The following MYEOV variants were observed in gnomAD, a reference collection of about 807,000 sequenced individuals.
The protein encoded by MYEOV is myeloma overexpressed, also known as myeloma-overexpressed gene protein.
MYEOV carries 4 observed loss-of-function variants against 4.5 expected under a neutral mutation model. The ratio of observed to expected loss-of-function variants is 0.89; its 90% CI spans 0.44 to 2.03. MYEOV has a LOEUF of 2.03. Ranked by LOEUF, MYEOV falls within the 30% of genes most tolerant of loss-of-function variation. The pLI is 0.03. For synonymous variants in MYEOV, 184 were observed against 170.3 expected (o/e 1.08, Z -0.63); for missense variants, 408 against 412.8 (o/e 0.99, Z 0.10).
rs1196285690 is a variant in MYEOV at position 69,296,297 on chromosome 11, G to A, written c.847G>A (p.Gly283Arg). 6.5e-7 allele frequency: 1 copy of A among 1,550,004 alleles called. No individual in the cohort carries two copies. ...RMGVRRTGQV[G>R]PTMHPPPVSG... ...GGGAGTTAGGAGGACTGGCCAGGTGGGGCCCACTATGCACCCACCCCCAGT... is the reference window on the plus strand; with the variant it reads ...GGGAGTTAGGAGGACTGGCCAGGTGAGGCCCACTATGCACCCACCCCCAGT... The change falls in exon 3 of 3, where the codon GGG (glycine) becomes AGG (arginine). Residue 283 changes from glycine to arginine, a missense_variant. By Grantham distance (125) the Gly-to-Arg change is moderately radical (BLOSUM62 -2). Coordinates refer to ENST00000441339, the MANE Select transcript of MYEOV (RefSeq NM_001293291.2).
chr11:69,295,206 G>A lies in MYEOV; in HGVS notation c.-122-27G>A, dbSNP rs1207401165. On this transcript the variant is annotated intron_variant, in intron 1 of 2. Coordinates refer to ENST00000441339, the MANE Select transcript of MYEOV (RefSeq NM_001293291.2). The surrounding 1 kb of genome is among the most constrained non-coding windows in gnomAD (Gnocchi z 4.1). ...TCAGTGCCTTCCCGGGGTGGATTAC[G>A]GATGGTAGTATCTTCCTTCTCCTCA... 6.9e-6 allele frequency: 9 copies of A among 1,310,140 alleles called. No individual in the cohort carries two copies. Among genetic ancestry groups the A allele is most frequent in the South Asian group, 4.5e-5 (3 of 66,068 alleles). The allele number at this position is 1,310,140 out of a possible 1,614,324, so 81.2% of individuals were successfully genotyped here. A position where few individuals can be genotyped will look rare whatever the true frequency, so the allele number is the denominator to read the frequency against.
rs772326953 is a variant in MYEOV at position 69,296,455 on chromosome 11, T to C, written c.*63T>C. ...TCATTTAATCCTCAGAATGACTCCA[T>C]GAGGTAGCTACTAAAACCCCCCACT... On this transcript the variant is annotated 3_prime_UTR_variant, in exon 3 of 3. Transcript: ENST00000441339. 80 of 1,108,566 alleles carry C rather than the reference T, an allele frequency of 7.2e-5. No individual in the cohort carries two copies. The highest frequency in any genetic ancestry group is 9.4e-5 in the Non-Finnish European group (75 of 797,360). 68.7% of individuals were successfully genotyped at this position (1,108,566 alleles called of 1,614,324 possible). A position where few individuals can be genotyped will look rare whatever the true frequency, so the allele number is the denominator to read the frequency against.
In MYEOV at chr11:69,296,652, C is replaced by A; in HGVS notation, c.*260C>A. The A allele has an allele frequency of 2.5e-6, 1 of 405,714 alleles. No individual in the cohort carries two copies. The highest frequency in any genetic ancestry group is 4.4e-6 in the Non-Finnish European group (1 of 227,880). 25.1% of individuals were successfully genotyped at this position (405,714 alleles called of 1,614,324 possible). On this transcript the variant is annotated 3_prime_UTR_variant, in exon 3 of 3. Transcript: ENST00000441339. ...AGTGTCTCCCAGGTGCAGGCATGAG[C>A]CAGGTGCTGGGAAAATCATGATAAC... is the stretch of plus-strand genomic sequence containing the variant.
chr11:69,295,180 G>T lies in MYEOV; in HGVS notation c.-122-53G>T. 9.0e-7 allele frequency: 1 copy of T among 1,108,574 alleles called. No individual in the cohort carries two copies. Among genetic ancestry groups the T allele is most frequent in the Non-Finnish European group, 1.3e-6 (1 of 799,506 alleles). The allele number at this position is 1,108,574 out of a possible 1,614,324, so 68.7% of individuals were successfully genotyped here. ...TCTCATCCTCCCCATGGTCAAGGAGGTCAGTGCCTTCCCGGGGTGGATTAC... is the reference window on the plus strand; with the variant it reads ...TCTCATCCTCCCCATGGTCAAGGAGTTCAGTGCCTTCCCGGGGTGGATTAC... On this transcript the variant is annotated intron_variant, in intron 1 of 2. Coordinates refer to ENST00000441339, the MANE Select transcript of MYEOV (RefSeq NM_001293291.2). This position sits in a 1 kb window ranked among gnomAD's most constrained non-coding sequence, Gnocchi z 4.1.
Position 69,296,282 on chromosome 11 carries a change from A to G in MYEOV, c.832A>G (p.Arg278Gly), listed in dbSNP as rs1435506824. The part of the protein sequence containing the change: ...ALGGWRMGVR[R>G]TGQVGPTMHP... ...GGGGGGGTGGCGCATGGGAGTTAGGAGGACTGGCCAGGTGGGGCCCACTAT... is the reference window on the plus strand; with the variant it reads ...GGGGGGGTGGCGCATGGGAGTTAGGGGGACTGGCCAGGTGGGGCCCACTAT... Residue 278 changes from arginine to glycine, a missense_variant, in exon 3 of 3, where the codon AGG (arginine) becomes GGG (glycine). Coordinates refer to ENST00000441339, the MANE Select transcript of MYEOV (RefSeq NM_001293291.2). The G allele has an allele frequency of 3.2e-6, 5 of 1,564,696 alleles. No homozygotes were observed. The African/African-American group carries it at 4.1e-5, about 13-fold the overall frequency.
chr11:69,295,098 G>A lies in MYEOV; in HGVS notation c.-122-135G>A. On this transcript the variant is annotated intron_variant, in intron 1 of 2. Transcript: ENST00000441339. This position sits in a 1 kb window ranked among gnomAD's most constrained non-coding sequence, Gnocchi z 4.1. ...CAGGTCCCAGCTTCCAGGATCATGA[G>A]GTGAAAACGTGAAGGGACCCTAGAG... is the stretch of plus-strand genomic sequence containing the variant. 1.9e-6 allele frequency: 1 copy of A among 526,062 alleles called. No individual in the cohort carries two copies. The highest frequency in any genetic ancestry group is 3.3e-6 in the Non-Finnish European group (1 of 304,434). 32.6% of individuals were successfully genotyped at this position (526,062 alleles called of 1,614,324 possible). A position where few individuals can be genotyped will look rare whatever the true frequency, so the allele number is the denominator to read the frequency against.
Position 69,296,348 on chromosome 11 carries a change from C to G in MYEOV, c.898C>G (p.His300Asp), listed in dbSNP as rs543235120. The G allele has an allele frequency of 3.3e-6, 5 of 1,493,282 alleles. No homozygotes were observed. The East Asian group carries it at 1.2e-4, about 35-fold the overall frequency. 92.5% of individuals were successfully genotyped at this position (1,493,282 alleles called of 1,614,324 possible). A position where few individuals can be genotyped will look rare whatever the true frequency, so the allele number is the denominator to read the frequency against. The change falls in exon 3 of 3, where the codon CAC becomes GAC. Residue 300 changes from histidine (H) to aspartate (D), a missense_variant. By Grantham distance (81) the His-to-Asp change is moderately conservative (BLOSUM62 -1). Coordinates refer to ENST00000441339, the MANE Select transcript of MYEOV (RefSeq NM_001293291.2). ...GTCAGGTGCTTCTCCTCTCCTCCTC[C>G]ACCACCTCCTCCTCCTCCTCCTCAT... The part of the protein sequence containing the change: ...PVSGASPLLL[H>D]HLLLLLLIII...
rs1297124640 is a variant in MYEOV, at chr11:69,295,118, C to G, written c.-122-115C>G. 3 of 614,624 alleles carry G rather than the reference C, an allele frequency of 4.9e-6. No homozygotes were observed. The highest frequency in any genetic ancestry group is 8.1e-6 in the Non-Finnish European group (3 of 368,162). The allele number at this position is 614,624 out of a possible 1,614,324, so 38.1% of individuals were successfully genotyped here. On this transcript the variant is annotated intron_variant, in intron 1 of 2. Coordinates refer to ENST00000441339, the MANE Select transcript of MYEOV (RefSeq NM_001293291.2). The surrounding 1 kb of genome is among the most constrained non-coding windows in gnomAD (Gnocchi z 4.1). Reference sequence around the variant, plus strand: ...CATGAGGTGAAAACGTGAAGGGACCCTAGAGGCCATGGGGACCCAGGCACA... The same window carrying G: ...CATGAGGTGAAAACGTGAAGGGACCGTAGAGGCCATGGGGACCCAGGCACA...
chr11:69,295,294 T>C lies in MYEOV; in HGVS notation c.-61T>C, dbSNP rs1565150333. 34 of 1,543,216 alleles carry C rather than the reference T, an allele frequency of 2.2e-5. No homozygotes were observed. The highest frequency in any genetic ancestry group is 2.9e-5 in the Non-Finnish European group (33 of 1,142,454). ...TAAATCCAGCCACGTCATGCCACGC[T>C]TAACACCTCTAACAACTTCCCCTGG... On this transcript the variant is annotated 5_prime_UTR_variant, in exon 2 of 3. Transcript: ENST00000441339. This position sits in a 1 kb window ranked among gnomAD's most constrained non-coding sequence, Gnocchi z 4.1.
In MYEOV at chr11:69,294,517, A is replaced by G. The variant is rs1414292716; in HGVS notation, c.-182A>G. On this transcript the variant is annotated 5_prime_UTR_variant, in exon 1 of 3. Coordinates refer to ENST00000441339, the MANE Select transcript of MYEOV (RefSeq NM_001293291.2). ...ACTTCTGCTCGTTGCCTTTGGGCTC[A>G]GTGAAGAGTCTGGAGTTTATCTGGA... is the stretch of plus-strand genomic sequence containing the variant. 6.6e-6 allele frequency: 1 copy of G among 152,040 alleles called. No individual in the cohort carries two copies. Among genetic ancestry groups the G allele is most frequent in the Non-Finnish European group, 1.5e-5 (1 of 68,104 alleles). The allele number at this position is 152,040 out of a possible 1,614,324, so 9.4% of individuals were successfully genotyped here.
Position 69,296,307 on chromosome 11 carries a change from T to G in MYEOV, c.857T>G (p.Met286Arg). ...VRRTGQVGPT[M>R]HPPPVSGASP... is the part of the protein sequence containing the mutation. ...AGGACTGGCCAGGTGGGGCCCACTATGCACCCACCCCCAGTGTCAGGTGCT... is the reference window on the plus strand; with the variant it reads ...AGGACTGGCCAGGTGGGGCCCACTAGGCACCCACCCCCAGTGTCAGGTGCT... Residue 286 changes from methionine to arginine, a missense_variant, in exon 3 of 3, where the codon ATG becomes AGG. Met to Arg is a moderately conservative substitution (Grantham distance 91, BLOSUM62 -1). Coordinates refer to ENST00000441339, the MANE Select transcript of MYEOV (RefSeq NM_001293291.2). 1 of 1,534,840 alleles carries G rather than the reference T, an allele frequency of 6.5e-7. No homozygotes were observed. The highest frequency in any genetic ancestry group is 2.0e-5 in the Admixed American group (1 of 49,490).
rs1284177367 is a variant in MYEOV at position 69,296,226 on chromosome 11, C to T, written c.776C>T (p.Ser259Phe). Residue 259 changes from serine to phenylalanine, a missense_variant, in exon 3 of 3, where the codon TCC becomes TTC. By Grantham distance (155) the Ser-to-Phe change is radical. Coordinates refer to ENST00000441339, the MANE Select transcript of MYEOV (RefSeq NM_001293291.2). ...GGCCTGCCTCTGCGGGTGGCTGGGT[C>T]CTGGCTGACTGTTGTGACTGTTGAG... ...TWGLPLRVAG[S>F]WLTVVTVEAL... 1 of 1,608,666 alleles carries T rather than the reference C, an allele frequency of 6.2e-7. No homozygotes were observed. Among genetic ancestry groups the T allele is most frequent in the South Asian group, 1.1e-5 (1 of 90,352 alleles).
rs755375015 is a variant in MYEOV at position 69,296,317 on chromosome 11, C to T, written c.867C>T (p.Pro289=). The change falls in exon 3 of 3, where the codon CCC becomes CCT. Residue 289 remains proline, a synonymous_variant. Transcript: ENST00000441339. Reference sequence around the variant, plus strand: ...AGGTGGGGCCCACTATGCACCCACCCCCAGTGTCAGGTGCTTCTCCTCTCC... The same window carrying T: ...AGGTGGGGCCCACTATGCACCCACCTCCAGTGTCAGGTGCTTCTCCTCTCC... ...TGQVGPTMHP[P]PVSGASPLLL... 7 of 1,522,236 alleles carry T rather than the reference C, an allele frequency of 4.6e-6. No individual in the cohort carries two copies. The highest frequency in any genetic ancestry group is 4.2e-5 in the African/African-American group (3 of 72,120). The allele number at this position is 1,522,236 out of a possible 1,614,324, so 94.3% of individuals were successfully genotyped here. A position where few individuals can be genotyped will look rare whatever the true frequency, so the allele number is the denominator to read the frequency against.
rs984242392 is a variant in MYEOV at position 69,295,010 on chromosome 11, G to A, written c.-122-223G>A. Among the ~76,000 whole-genome samples, 1 of 152,168 alleles carries A rather than the reference G, an allele frequency of 6.6e-6. No individual in the cohort carries two copies. Among genetic ancestry groups the A allele is most frequent in the Non-Finnish European group, 1.5e-5 (1 of 68,022 alleles). ...AGTCATCTGTGGCTATAAACCAGGA[G>A]GAGAAGGCTGCCCACCCCCTGCCCC... is the stretch of plus-strand genomic sequence containing the variant. On this transcript the variant is annotated intron_variant, in intron 1 of 2. Transcript: ENST00000441339. This position sits in a 1 kb window ranked among gnomAD's most constrained non-coding sequence, Gnocchi z 4.1.
rs969476191 is a variant in MYEOV, at chr11:69,296,357, C to T, written c.907C>T (p.Leu303Phe). Residue 303 changes from leucine (L) to phenylalanine (F), a missense_variant, in exon 3 of 3, where the codon CTC (leucine) becomes TTC (phenylalanine). By Grantham distance (22) the Leu-to-Phe change is conservative. Transcript: ENST00000441339. ...TTCTCCTCTCCTCCTCCACCACCTCCTCCTCCTCCTCCTCATCATCATCCT... is the reference window on the plus strand; with the variant it reads ...TTCTCCTCTCCTCCTCCACCACCTCTTCCTCCTCCTCCTCATCATCATCCT... ...GASPLLLHHL[L>F]LLLLIIILTC The T allele has an allele frequency of 1.2e-5, 18 of 1,478,888 alleles. No individual in the cohort carries two copies. Among genetic ancestry groups the T allele is most frequent in the African/African-American group, 4.2e-5 (3 of 71,118 alleles). The allele number at this position is 1,478,888 out of a possible 1,614,324, so 91.6% of individuals were successfully genotyped here.
chr11:69,296,000 G>A lies in MYEOV; in HGVS notation c.550G>A (p.Val184Met). 6.2e-7 allele frequency: 1 copy of A among 1,614,160 alleles called. No homozygotes were observed. Among genetic ancestry groups the A allele is most frequent in the Non-Finnish European group, 8.5e-7 (1 of 1,180,010 alleles). ...GGCCATTAGCTCGTGCCCTGAGGAGGTGCATGGGCGGCATGGGCTCTCCAT... is the reference window on the plus strand; with the variant it reads ...GGCCATTAGCTCGTGCCCTGAGGAGATGCATGGGCGGCATGGGCTCTCCAT... ...EQAISSCPEE[V>M]HGRHGLSMEI... The change falls in exon 3 of 3, where the codon GTG becomes ATG. Residue 184 changes from valine to methionine, a missense_variant. Transcript: ENST00000441339. This position sits in a 1 kb window ranked among gnomAD's most constrained non-coding sequence, Gnocchi z 4.1.
In MYEOV at chr11:69,295,193, C is replaced by A; in HGVS notation, c.-122-40C>A. 1 of 1,236,598 alleles carries A rather than the reference C, an allele frequency of 8.1e-7. No individual in the cohort carries two copies. Among genetic ancestry groups the A allele is most frequent in the Non-Finnish European group, 1.1e-6 (1 of 914,428 alleles). The allele number at this position is 1,236,598 out of a possible 1,614,324, so 76.6% of individuals were successfully genotyped here. On this transcript the variant is annotated intron_variant, in intron 1 of 2. Coordinates refer to ENST00000441339, the MANE Select transcript of MYEOV (RefSeq NM_001293291.2). This position sits in a 1 kb window ranked among gnomAD's most constrained non-coding sequence, Gnocchi z 4.1. ...ATGGTCAAGGAGGTCAGTGCCTTCC[C>A]GGGGTGGATTACGGATGGTAGTATC...
Position 69,295,350 on chromosome 11 carries a change from G to A in MYEOV, c.-5G>A, listed in dbSNP as rs369753614. 8.3e-5 allele frequency: 132 copies of A among 1,592,932 alleles called. No individual in the cohort carries two copies. The highest frequency in any genetic ancestry group is 5.8e-4 in the African/African-American group (43 of 74,338). On this transcript the variant is annotated 5_prime_UTR_variant, in exon 2 of 3. Coordinates refer to ENST00000441339, the MANE Select transcript of MYEOV (RefSeq NM_001293291.2). This position sits in a 1 kb window ranked among gnomAD's most constrained non-coding sequence, Gnocchi z 4.1. ...AGGACAGCGTCTGGCTCCTTCCCTC[G>A]GCTCATGGCCCTCAGAATCTGCGTC...
At position 69,295,553 on chromosome 11, in the gene MYEOV, G is replaced by A. The variant is rs1186314179; in HGVS notation, c.142-39G>A. ...TCTCTTGGGTGGGTGAATGCCACCT[G>A]CTGATGTCTGATTTATTCATCGGTT... On this transcript the variant is annotated intron_variant, in intron 2 of 2. Transcript: ENST00000441339. The surrounding 1 kb of genome is among the most constrained non-coding windows in gnomAD (Gnocchi z 4.1). The A allele has an allele frequency of 6.2e-7, 1 of 1,612,432 alleles. No homozygotes were observed. The highest frequency in any genetic ancestry group is 8.5e-7 in the Non-Finnish European group (1 of 1,179,064).
Sources: allele counts gnomAD v4.1 joint callset (sites outside exome capture counted in the v4.1 genomes callset), GRCh38; gene constraint gnomAD v4.1.1; non-coding constraint Gnocchi (gnomAD v3.1); transcripts MANE v1.5; gene names NCBI Gene and HGNC (gene_info 2026-07-23, HGNC 2026-07-21).